The following HS6ST3 variants were observed in gnomAD, a reference collection of about 807,000 sequenced individuals.
HS6ST3 encodes the protein heparan sulfate 6-O-sulfotransferase 3.
HS6ST3 carries 12 observed loss-of-function variants against 36.7 expected under a neutral mutation model. The ratio of observed to expected loss-of-function variants is 0.33; its 90% CI spans 0.21 to 0.53. The LOEUF is 0.53. Ranked by LOEUF, HS6ST3 falls within the 20% of genes least tolerant of loss-of-function variation. The probability of loss-of-function intolerance (pLI) is 0.95; values close to 1 mark genes in which losing one functional copy is unlikely to be tolerated. For synonymous variants in HS6ST3, 240 were observed against 257.5 expected (o/e 0.93, Z 0.65); for missense variants, 584 against 640.9 (o/e 0.91, Z 0.96).
chr13:96,603,310 A>G (rs2056428071), intron 1 of HS6ST3, among the ~76,000 whole-genome samples: 1 of 152,200 alleles, frequency 6.6e-6, no homozygotes, highest in South Asian at 2.1e-4. Context: ...TTTGAAGTTT[A>G]TAGAAATTGA....
At chr13:96,359,940 G>T (rs2055229171) in intron 1 of HS6ST3, among the ~76,000 whole-genome samples, 1 of 152,138 alleles carries the variant, frequency 6.6e-6, no homozygotes. Flanking sequence ...GAGGAACAAG[G>T]ATACACTCCA....
intron 1 of HS6ST3, among the ~76,000 whole-genome samples, chr13:96,807,796 G>T (rs1328837497): frequency 1.3e-5 from 2 of 151,454 alleles, no homozygotes; most frequent in Non-Finnish European, 2.9e-5. Context: ...AACCCGGGAG[G>T]TGGAGCTTGC....
intron 1 of HS6ST3, among the ~76,000 whole-genome samples, chr13:96,651,987 T>A (rs190398856): frequency 5.6e-4 from 85 of 152,180 alleles, no homozygotes; most frequent in African/African-American, 1.9e-3. Flanking sequence ...ATATCAGACA[T>A]AAAGAGTATT....
intron 1 of HS6ST3, among the ~76,000 whole-genome samples, chr13:96,199,029 A>G (rs1201235081): frequency 6.6e-6 from 1 of 152,200 alleles, no homozygotes; most frequent in Admixed American, 6.5e-5. Flanking sequence ...TGGTGTTGGC[A>G]AGAGAAAATG....
chr13:96,180,015 G>A (rs2054231962), intron 1 of HS6ST3, among the ~76,000 whole-genome samples: 1 of 152,002 alleles, frequency 6.6e-6, no homozygotes, highest in African/African-American at 2.4e-5. Flanking sequence ...TGTGTTTTGT[G>A]GTAGAGATGG....
rs1197007349 is a variant in HS6ST3 at position 96,721,733 on chromosome 13, T to C, written c.708-110757T>C. Among the ~76,000 whole-genome samples, 4 of 152,208 alleles carry C rather than the reference T, an allele frequency of 2.6e-5. No homozygotes were observed. In the South Asian group the frequency reaches 8.3e-4, roughly 31 times the overall value. On this transcript the variant is annotated intron_variant, in intron 1 of 1. Coordinates refer to ENST00000376705, the MANE Select transcript of HS6ST3 (RefSeq NM_153456.4). ...AAGTTTCAGACTGTTTAAGATAGCA[T>C]TGTGCATTGGCCGTATATTACATGA...
chr13:96,299,703 G>A (rs1024178859), intron 1 of HS6ST3, among the ~76,000 whole-genome samples: 1 of 152,140 alleles, frequency 6.6e-6, no homozygotes, highest in African/African-American at 2.4e-5. Context: ...GAAACATTTA[G>A]CAGAGTGGTA....
intron 1 of HS6ST3, among the ~76,000 whole-genome samples, chr13:96,831,002 C>T (rs1878768524): frequency 6.6e-6 from 1 of 152,204 alleles, no homozygotes; most frequent in South Asian, 2.1e-4. Flanking sequence ...AAATGGACTT[C>T]CAGACTCTGC....
intron 1 of HS6ST3, among the ~76,000 whole-genome samples, chr13:96,108,710 C>T (rs964683772): frequency 9.9e-5 from 15 of 152,028 alleles, no homozygotes; most frequent in African/African-American, 3.6e-4. Context: ...GGGGCTGGTT[C>T]CCCGATAGGA....
intron 1 of HS6ST3, among the ~76,000 whole-genome samples, chr13:96,432,132 G>T (rs555827977): frequency 6.6e-6 from 1 of 152,070 alleles, no homozygotes; most frequent in Admixed American, 6.5e-5. Context: ...TTTACTTTTG[G>T]AACTAAAATA....
At chr13:96,406,357 C>T (rs1323824071) in intron 1 of HS6ST3, among the ~76,000 whole-genome samples, 7 of 152,148 alleles carry the variant, frequency 4.6e-5, no homozygotes, top group Non-Finnish European at 1.0e-4. Context: ...TGAGTACAAC[C>T]ATTACCTATT....
chr13:96,655,105 G>T (rs1409961598), intron 1 of HS6ST3, among the ~76,000 whole-genome samples: 1 of 152,100 alleles, frequency 6.6e-6, no homozygotes, highest in Non-Finnish European at 1.5e-5. Flanking sequence ...TGAGCCCTTA[G>T]GGCATTGTTA....
chr13:96,134,194 G>T (rs2053990249), intron 1 of HS6ST3, among the ~76,000 whole-genome samples: 1 of 151,728 alleles, frequency 6.6e-6, no homozygotes, highest in Non-Finnish European at 1.5e-5. Flanking sequence ...TACTTTTGTT[G>T]TTCTTTTATT....
At chr13:96,136,682 CAT>C (rs56247662) in intron 1 of HS6ST3, among the ~76,000 whole-genome samples, 11,493 of 129,096 alleles carry the variant, frequency 0.089, 456 homozygotes, top group African/African-American at 0.11. Context: ...TGTTATGAAA[CAT>C]ATATATATAT....
chr13:96,516,282 T>A (rs1277043062), intron 1 of HS6ST3, among the ~76,000 whole-genome samples: 1 of 152,046 alleles, frequency 6.6e-6, no homozygotes, highest in East Asian at 1.9e-4. Context: ...GCCAGGCTGG[T>A]CTTGAACTCC....
At chr13:96,218,000 A>G (rs2054435741) in intron 1 of HS6ST3, among the ~76,000 whole-genome samples, 1 of 152,218 alleles carries the variant, frequency 6.6e-6, no homozygotes, top group African/African-American at 2.4e-5. Flanking sequence ...TTCTAAATGC[A>G]TGAATACATT....
intron 1 of HS6ST3, among the ~76,000 whole-genome samples, chr13:96,358,464 C>T (rs143622125): frequency 1.8e-3 from 276 of 152,150 alleles, no homozygotes; most frequent in Admixed American, 1.6e-3. Context: ...CATGAGGAAA[C>T]AATCAGGCAA....
rs919683684 is a variant in HS6ST3, at chr13:96,090,777, G to T, written c.-86G>T. Reference sequence around the variant, plus strand: ...AACGGCGGGCTCCGAGCCGCGCCCCGGAGTCCGCGAAACTTCCGAGCGGGC... The same window carrying T: ...AACGGCGGGCTCCGAGCCGCGCCCCTGAGTCCGCGAAACTTCCGAGCGGGC... On this transcript the variant is annotated 5_prime_UTR_variant, in exon 1 of 2. Coordinates refer to ENST00000376705, the MANE Select transcript of HS6ST3 (RefSeq NM_153456.4). 8.7e-7 allele frequency: 1 copy of T among 1,150,592 alleles called. No individual in the cohort carries two copies. The highest frequency in any genetic ancestry group is 4.2e-5 in the Admixed American group (1 of 23,830). The allele number at this position is 1,150,592 out of a possible 1,614,324, so 71.3% of individuals were successfully genotyped here. A position where few individuals can be genotyped will look rare whatever the true frequency, so the allele number is the denominator to read the frequency against.
chr13:96,406,347 T>C (rs536982514), intron 1 of HS6ST3, among the ~76,000 whole-genome samples: 1 of 152,336 alleles, frequency 6.6e-6, no homozygotes, highest in South Asian at 2.1e-4. Flanking sequence ...CAAATACTAG[T>C]GAGTACAACC....
Sources: allele counts gnomAD v4.1 joint callset (sites outside exome capture counted in the v4.1 genomes callset), GRCh38; gene constraint gnomAD v4.1.1; transcripts MANE v1.5; gene names NCBI Gene and HGNC (gene_info 2026-07-23, HGNC 2026-07-21).